The following EDIL3 variants were observed in gnomAD, a reference collection of about 807,000 sequenced individuals.
EDIL3 encodes EGF like and discoidin domains 3.
EDIL3 carries 37 observed loss-of-function variants against 67.4 expected under a neutral mutation model. That is an observed-to-expected ratio of 0.55 (90% CI 0.42 to 0.72). EDIL3 has a LOEUF of 0.72. Among genes scored for constraint, EDIL3 ranks in the 30% least tolerant of loss-of-function variants. The pLI is 0.00. For synonymous variants in EDIL3, 195 were observed against 196.3 expected (o/e 0.99, Z 0.05); for missense variants, 527 against 586.3 (o/e 0.90, Z 1.04).
chr5:84,226,189 G>T (rs1251329942), intron 3 of EDIL3, among the ~76,000 whole-genome samples: 5 of 151,540 alleles, frequency 3.3e-5, no homozygotes, highest in Non-Finnish European at 5.9e-5. Flanking sequence ...ACTGATAACT[G>T]AAACAAAATG....
rs996767129 is a variant in EDIL3, at chr5:83,993,238, A to C, written c.1138-29878T>G. ...TCCAGGATAGTGTACAGTTGCCCAA[A>C]CACAGCTCACTGCACCCTCGACCTC... On this transcript the variant is annotated intron_variant, in intron 9 of 10. Transcript: ENST00000296591. Among the ~76,000 whole-genome samples, 6 of 152,270 alleles carry C rather than the reference A, an allele frequency of 3.9e-5. No individual in the cohort carries two copies. The South Asian group carries it at 1.2e-3, about 32-fold the overall frequency.
At chr5:84,186,305 T>C (rs1021345343) in intron 3 of EDIL3, among the ~76,000 whole-genome samples, 2 of 152,132 alleles carry the variant, frequency 1.3e-5, no homozygotes, top group African/African-American at 4.8e-5. Context: ...AAATGGACAC[T>C]GCCCAGTATG....
At position 84,251,710 on chromosome 5, in the gene EDIL3, A is replaced by T. The variant is rs980809912; in HGVS notation, c.196+2374T>A. On this transcript the variant is annotated intron_variant, in intron 2 of 10. Transcript: ENST00000296591. The stretch of plus-strand genomic sequence containing the variant: ...CATTATTTTCTGATCCTTTATAAAA[A>T]TTACGTCATAATATAGGAAAGTTGT... Among the ~76,000 whole-genome samples, 7 of 152,276 alleles carry T rather than the reference A, an allele frequency of 4.6e-5. No homozygotes were observed. The South Asian group carries it at 1.4e-3, about 32-fold the overall frequency.
chr5:84,319,438 T>A (rs1746580237), intron 1 of EDIL3, among the ~76,000 whole-genome samples: 1 of 76,578 alleles, frequency 1.3e-5, no homozygotes, highest in African/African-American at 4.8e-5. Flanking sequence ...CACTCCCGCC[T>A]GGGCGACAGA....
At chr5:83,980,676 AATATATAT>A (rs113580835) in intron 9 of EDIL3, among the ~76,000 whole-genome samples, 3 of 141,066 alleles carry the variant, frequency 2.1e-5, no homozygotes, top group African/African-American at 5.2e-5. Context: ...GAAAGATTGA[AATATATAT>A]ATATATATAT....
At chr5:84,021,353 T>A (rs1389744376) in intron 9 of EDIL3, among the ~76,000 whole-genome samples, 1 of 151,966 alleles carries the variant, frequency 6.6e-6, no homozygotes, top group Non-Finnish European at 1.5e-5. Context: ...GGTAAACATT[T>A]ACTGATATAT....
At position 83,970,643 on chromosome 5, in the gene EDIL3, G is replaced by GTATATATATA. The variant is rs70975530; in HGVS notation, c.1138-7293_1138-7284dup. Among the ~76,000 whole-genome samples the GTATATATATA allele has an allele frequency of 2.8e-3, 329 of 116,024 alleles. 3 individuals carry two copies. The highest frequency in any genetic ancestry group is 9.3e-3 in the African/African-American group (242 of 26,132). The allele number at this position is 116,024 out of a possible 152,430, so 76.1% of individuals were successfully genotyped here. ...ATACATAATGTGACATAGGATCACA[G>GTATATATATA]TATATATATATATATATATATATAT... On this transcript the variant is annotated intron_variant, in intron 9 of 10. Transcript: ENST00000296591.
intron 5 of EDIL3, among the ~76,000 whole-genome samples, chr5:84,107,733 T>TA (rs1322768371): frequency 6.7e-6 from 1 of 150,182 alleles, no homozygotes; most frequent in Non-Finnish European, 1.5e-5. Context: ...AATCCATCCT[T>TA]AAAAAATTAC....
rs572937682 is a variant in EDIL3 at position 84,206,634 on chromosome 5, G to A, written c.226+23221C>T. Among the ~76,000 whole-genome samples the A allele has an allele frequency of 3.9e-5, 6 of 152,256 alleles. No homozygotes were observed. The South Asian group carries it at 1.2e-3, about 32-fold the overall frequency. ...ACCAATATCCTTGATGAACATTGAT[G>A]CAAAAATCTTCAATAAAATACTGGC... On this transcript the variant is annotated intron_variant, in intron 3 of 10. Transcript: ENST00000296591.
chr5:84,306,205 A>T (rs940114856), intron 1 of EDIL3, among the ~76,000 whole-genome samples: 1 of 152,196 alleles, frequency 6.6e-6, no homozygotes, highest in African/African-American at 2.4e-5. Context: ...ATCAACTGTC[A>T]GGTAAGAAGG....
chr5:84,081,103 G>C (rs748985273), intron 6 of EDIL3, among the ~76,000 whole-genome samples: 13 of 152,212 alleles, frequency 8.5e-5, no homozygotes, highest in Non-Finnish European at 1.9e-4. Context: ...GCATGTAACA[G>C]GAGCAATACA....
intron 6 of EDIL3, among the ~76,000 whole-genome samples, chr5:84,075,615 C>G (rs959195438): frequency 1.3e-5 from 2 of 151,972 alleles, no homozygotes; most frequent in East Asian, 3.9e-4. Context: ...AGCTGGGATT[C>G]CAGGCGTGTG....
At chr5:84,139,060 A>AAACCT (rs1748142910) in intron 4 of EDIL3, among the ~76,000 whole-genome samples, 1 of 152,168 alleles carries the variant, frequency 6.6e-6, no homozygotes, top group Non-Finnish European at 1.5e-5. Context: ...CAACATGGTG[A>AAACCT]AACCTTGTCT....
chr5:84,013,250 C>G (rs1745546288), intron 9 of EDIL3, among the ~76,000 whole-genome samples: 1 of 151,732 alleles, frequency 6.6e-6, no homozygotes, highest in Admixed American at 6.6e-5. Context: ...CACATTAAGG[C>G]AACTCAAAAA....
At chr5:84,062,329 A>G (rs62364218) in intron 8 of EDIL3, among the ~76,000 whole-genome samples, 2,133 of 152,208 alleles carry the variant, frequency 0.014, 18 homozygotes, top group Middle Eastern at 0.054. Context: ...CTCTACCTGC[A>G]TCCCACCCCC....
chr5:84,300,151 G>T (rs1746126666), intron 1 of EDIL3, among the ~76,000 whole-genome samples: 1 of 152,172 alleles, frequency 6.6e-6, no homozygotes, highest in Non-Finnish European at 1.5e-5. Context: ...CTGGAGGCTA[G>T]GGGGAAGAAT....
chr5:84,297,656 T>C (rs1746077656), intron 1 of EDIL3, among the ~76,000 whole-genome samples: 1 of 152,130 alleles, frequency 6.6e-6, no homozygotes, highest in East Asian at 1.9e-4. Flanking sequence ...CCCCGAGCTC[T>C]GGGAGCCCAT....
chr5:84,106,819 GGCCTGA>G lies in EDIL3; in HGVS notation c.475_480del (p.Ser159_Gly160del). 6.3e-7 allele frequency: 1 copy of G among 1,598,986 alleles called. No homozygotes were observed. The highest frequency in any genetic ancestry group is 8.5e-7 in the Non-Finnish European group (1 of 1,174,768). On this transcript the variant is annotated inframe_deletion, in exon 6 of 11. Transcript: ENST00000296591. ...ATAATTCCACCTTCAATTCCCAGTG[GGCCTGA>G]GCATTCTGGAAACAAAAACAGGAAA...
At chr5:84,285,693 G>A (rs1745794618) in intron 1 of EDIL3, among the ~76,000 whole-genome samples, 1 of 152,198 alleles carries the variant, frequency 6.6e-6, no homozygotes, top group African/African-American at 2.4e-5. Flanking sequence ...TTCACATGTA[G>A]TTACTAATAT....
Sources: gnomAD v4.1 joint callset for allele counts (sites outside exome capture counted in the v4.1 genomes callset) on GRCh38, gnomAD v4.1.1 for gene constraint, MANE v1.5 for transcripts, NCBI Gene and HGNC (gene_info 2026-07-23, HGNC 2026-07-21) for gene names.